The following DSCAM variants were observed in gnomAD, a reference collection of about 807,000 sequenced individuals.
DSCAM encodes the protein DS cell adhesion molecule.
A neutral mutation model predicts 217.7 loss-of-function variants in DSCAM; 47 were observed. The ratio of observed to expected loss-of-function variants is 0.22; its 90% confidence interval spans 0.17 to 0.28. DSCAM has a LOEUF of 0.28. DSCAM is among the 10% of genes least tolerant of loss of function. The pLI is 1.00. For missense variants in DSCAM, 2,080 were observed against 2,618.3 expected (o/e 0.79, Z 4.49); for synonymous variants, 1,056 against 1,015.3 (o/e 1.04, Z -0.76).
intron 1 of DSCAM, among the ~76,000 whole-genome samples, chr21:40,739,987 G>A (rs1456851150): frequency 4.1e-5 from 1 of 24,436 alleles, no homozygotes; most frequent in Non-Finnish European, 8.9e-5. Flanking sequence ...TTTTTTTTTT[G>A]CCAACATTTA....
chr21:40,206,193 C>A lies in DSCAM; in HGVS notation c.2357-16955G>T, dbSNP rs2091123597. 3.3e-5 allele frequency among the ~76,000 whole-genome samples: 5 copies of A among 152,168 alleles called. 1 individual carries two copies. The South Asian group carries it at 1.0e-3, about 32-fold the overall frequency. ...GAACACCCGTGTGAGTCTGTGTGTG[C>A]CTGTGTGAATAGCAAATGAGCTGTC... On this transcript the variant is annotated intron_variant, in intron 11 of 32. Transcript: ENST00000400454.
chr21:40,115,904 A>G (rs557811446), intron 20 of DSCAM, among the ~76,000 whole-genome samples: 3 of 152,360 alleles, frequency 2.0e-5, no homozygotes, highest in African/African-American at 7.2e-5. Context: ...AAATCAATCT[A>G]AATGCCCATC....
intron 1 of DSCAM, among the ~76,000 whole-genome samples, chr21:40,780,423 G>GTGTA (rs1007015659): frequency 3.0e-4 from 17 of 56,438 alleles, no homozygotes; most frequent in South Asian, 1.3e-3. Context: ...GTGTGTGTGT[G>GTGTA]TATATATATA....
intron 27 of DSCAM, among the ~76,000 whole-genome samples, chr21:40,065,715 T>G (rs564271400): frequency 6.6e-6 from 1 of 152,254 alleles, no homozygotes; most frequent in African/African-American, 2.4e-5. Context: ...AGGGGAACCT[T>G]TGTTTTTTCT....
At chr21:40,760,253 T>C (rs2091319511) in intron 1 of DSCAM, among the ~76,000 whole-genome samples, 1 of 152,120 alleles carries the variant, frequency 6.6e-6, no homozygotes, top group Admixed American at 6.6e-5. Context: ...CTTGACCTCA[T>C]GATCTGCCCA....
rs561611897 is a variant in DSCAM, at chr21:40,155,359, A to G, written c.3019-10628T>C. On this transcript the variant is annotated intron_variant, in intron 16 of 32. Coordinates refer to ENST00000400454, the MANE Select transcript of DSCAM (RefSeq NM_001389.5). The stretch of plus-strand genomic sequence containing the variant: ...AAAAGAGGGGGTATGCTAGTCTGTG[A>G]GCCTGAGGCTGGGCCCCAACTATTT... 3.8e-4 allele frequency among the ~76,000 whole-genome samples: 58 copies of G among 152,304 alleles called. No individual in the cohort carries two copies. In the South Asian group the frequency reaches 0.011, roughly 30 times the overall value.
intron 3 of DSCAM, among the ~76,000 whole-genome samples, chr21:40,664,632 T>A (rs4818156): frequency 2.0e-5 from 3 of 152,094 alleles, no homozygotes; most frequent in Admixed American, 6.5e-5. Flanking sequence ...TTGGCCAGAC[T>A]GGGAGCCACT....
intron 1 of DSCAM, among the ~76,000 whole-genome samples, chr21:40,780,013 T>C (rs1035905636): frequency 2.0e-5 from 3 of 152,182 alleles, no homozygotes; most frequent in Admixed American, 6.5e-5. Context: ...TCACACCATG[T>C]AGGAATCTCA....
chr21:40,110,654 G>A (rs1337985703), intron 20 of DSCAM, among the ~76,000 whole-genome samples: 1 of 152,166 alleles, frequency 6.6e-6, no homozygotes, highest in Non-Finnish European at 1.5e-5. Flanking sequence ...TGGCAAAGAA[G>A]TTAAAAACCT....
At chr21:40,841,523 A>AT (rs1569063503) in intron 1 of DSCAM, among the ~76,000 whole-genome samples, 1 of 152,082 alleles carries the variant, frequency 6.6e-6, no homozygotes, top group African/African-American at 2.4e-5. Flanking sequence ...TGAAGAGTTA[A>AT]CCCCCCAGTC....
At chr21:40,511,918 G>A (rs549898384) in intron 3 of DSCAM, among the ~76,000 whole-genome samples, 22 of 144,060 alleles carry the variant, frequency 1.5e-4, no homozygotes, top group African/African-American at 5.7e-4. Flanking sequence ...GCGAATCCGG[G>A]AGCTGGAGCT....
chr21:40,317,854 T>A (rs143728292), intron 8 of DSCAM, among the ~76,000 whole-genome samples: 236 of 152,286 alleles, frequency 1.5e-3, no homozygotes, highest in African/African-American at 5.4e-3. Flanking sequence ...TTTGATTGAA[T>A]AATGTTTTTT....
chr21:40,517,659 A>G (rs563276888), intron 3 of DSCAM, among the ~76,000 whole-genome samples: 1 of 152,310 alleles, frequency 6.6e-6, no homozygotes, highest in African/African-American at 2.4e-5. Flanking sequence ...TGAAAACAGG[A>G]CAGTGCATGT....
intron 3 of DSCAM, among the ~76,000 whole-genome samples, chr21:40,373,241 C>A (rs1217185335): frequency 6.6e-6 from 1 of 152,170 alleles, no homozygotes; most frequent in Non-Finnish European, 1.5e-5. Context: ...CCGCAGAAAG[C>A]AGGCATGCAT....
In DSCAM at chr21:40,147,666, C is replaced by T. The variant is rs867459946; in HGVS notation, c.3019-2935G>A. Among the ~76,000 whole-genome samples the T allele has an allele frequency of 3.3e-5, 5 of 152,246 alleles. 1 individual carries two copies. Among genetic ancestry groups the T allele is most frequent in the Middle Eastern group, 3.4e-3 (1 of 294 alleles). ...TATTCACATTTTGATGCATTTCAGT[C>T]TATTTATCTAAAGTAAAGTGTTTTG... is the stretch of plus-strand genomic sequence containing the variant. On this transcript the variant is annotated intron_variant, in intron 16 of 32. Coordinates refer to ENST00000400454, the MANE Select transcript of DSCAM (RefSeq NM_001389.5).
At chr21:40,369,396 G>A in intron 3 of DSCAM, 151 bp from the exon 4 acceptor site, 1 of 550,800 alleles carries the variant, frequency 1.8e-6, no homozygotes, top group Admixed American at 3.6e-5. Context: ...GTGTGTGTGT[G>A]TGTGTGTGTG....
chr21:40,283,116 T>C (rs367718637), intron 10 of DSCAM, among the ~76,000 whole-genome samples: 14 of 152,224 alleles, frequency 9.2e-5, no homozygotes, highest in African/African-American at 3.1e-4. Flanking sequence ...ATTTGTTTAA[T>C]TGGAGGGAAG....
At chr21:40,078,646 C>G in intron 26 of DSCAM, 41 bp downstream of exon 26, 3 of 1,592,670 alleles carry the variant, frequency 1.9e-6, no homozygotes, top group Non-Finnish European at 2.6e-6. Flanking sequence ...TGCACATCCC[C>G]CAAGACACAA....
At chr21:40,373,767 G>A (rs1426741300) in intron 3 of DSCAM, among the ~76,000 whole-genome samples, 1 of 152,174 alleles carries the variant, frequency 6.6e-6, no homozygotes, top group African/African-American at 2.4e-5. Context: ...AGATTTCTCA[G>A]TGTGGAAGAA....
Sources: gnomAD v4.1 joint callset for allele counts (sites outside exome capture counted in the v4.1 genomes callset) on GRCh38, gnomAD v4.1.1 for gene constraint, MANE v1.5 for transcripts, NCBI Gene and HGNC (gene_info 2026-07-23, HGNC 2026-07-21) for gene names.